Variants in MED13L observed in about 807,000 individuals in gnomAD.
MED13L encodes mediator complex subunit 13L, also known as mediator of RNA polymerase II transcription subunit 13-like.
A neutral mutation model predicts 220.9 loss-of-function variants in MED13L; 7 were observed. The ratio of observed to expected loss-of-function variants is 0.03; its 90% CI spans 0.02 to 0.06. The LOEUF (loss-of-function observed/expected upper bound fraction) is 0.06, where lower values mean the gene tolerates loss of function less well. Ranked by LOEUF, MED13L falls within the 10% of genes least tolerant of loss-of-function variation. The pLI, the probability that MED13L is intolerant of heterozygous loss-of-function variation, is 1.00. For missense variants in MED13L, 1,965 were observed against 2,760.5 expected, an observed-to-expected ratio of 0.71 and a Z score of 6.46; for synonymous variants, 1,011 against 1,015.2, an observed-to-expected ratio of 1.00 and a Z score of 0.08.
At chr12:116,276,841 C>A in intron 1 of MED13L, 1 of 1,058,498 alleles carries the variant, frequency 9.4e-7, no homozygotes, top group Non-Finnish European at 1.3e-6. Flanking sequence ...GAGCGCCGCG[C>A]TCACAAATGA....
chr12:115,977,486 C>T (rs1342098568), intron 23 of MED13L, among the ~76,000 whole-genome samples: 1 of 152,168 alleles, frequency 6.6e-6, no homozygotes, highest in Non-Finnish European at 1.5e-5. Context: ...ATTATGTCCA[C>T]ACAAAAACCT....
intron 4 of MED13L, among the ~76,000 whole-genome samples, chr12:116,076,470 G>A (rs1439727523): frequency 2.0e-5 from 3 of 152,148 alleles, no homozygotes; most frequent in African/African-American, 7.2e-5. Flanking sequence ...CCAGGAGTTG[G>A]AGGCTGCAGT....
chr12:116,268,421 T>C (rs552514415), intron 1 of MED13L, among the ~76,000 whole-genome samples: 3 of 152,228 alleles, frequency 2.0e-5, no homozygotes, highest in Admixed American at 2.0e-4. Flanking sequence ...GAATACCTTA[T>C]TAGTGCTCAT....
At chr12:116,047,982 G>GT (rs1211185989) in intron 4 of MED13L, among the ~76,000 whole-genome samples, 1 of 151,622 alleles carries the variant, frequency 6.6e-6, no homozygotes, top group African/African-American at 2.4e-5. Flanking sequence ...TTCATGTAGT[G>GT]TTGGGAAAAA....
chr12:116,111,515 GA>G lies in MED13L; in HGVS notation c.311-4del, dbSNP rs150398214. On this transcript the variant is annotated splice_region_variant and splice_polypyrimidine_tract_variant and intron_variant, in intron 2 of 30. Transcript: ENST00000281928. ...TTCCCAGAGTCCTTCTTCCACAACTGAAAAAAAAAAGAAAAAAGAAAAAAAA... is the reference window on the plus strand; with the variant it reads ...TTCCCAGAGTCCTTCTTCCACAACTGAAAAAAAAAGAAAAAAGAAAAAAAA... 1.3e-3 allele frequency: 1,746 copies of G among 1,344,886 alleles called. No individual in the cohort carries two copies. Among genetic ancestry groups the G allele is most frequent in the Admixed American group, 2.9e-3 (126 of 43,560 alleles). The allele number at this position is 1,344,886 out of a possible 1,614,324, so 83.3% of individuals were successfully genotyped here.
At chr12:116,148,945 A>G (rs1473175258) in intron 2 of MED13L, among the ~76,000 whole-genome samples, 3 of 152,218 alleles carry the variant, frequency 2.0e-5, no homozygotes, top group African/African-American at 7.2e-5. Context: ...CTCACTAAAA[A>G]TAGTCTAATG....
At chr12:116,162,325 T>A (rs1593116549) in intron 2 of MED13L, among the ~76,000 whole-genome samples, 1 of 152,232 alleles carries the variant, frequency 6.6e-6, no homozygotes, top group East Asian at 1.9e-4. Flanking sequence ...GAAGCTGTGA[T>A]TCTATTAGAA....
intron 28 of MED13L, among the ~76,000 whole-genome samples, chr12:115,966,765 G>T (rs1332896874): frequency 6.6e-6 from 1 of 152,156 alleles, no homozygotes; most frequent in African/African-American, 2.4e-5. Flanking sequence ...TCCTGGAAGA[G>T]GCTATGTTTT....
chr12:116,237,914 A>C (rs533853674), intron 1 of MED13L, among the ~76,000 whole-genome samples: 27 of 152,348 alleles, frequency 1.8e-4, no homozygotes, highest in Non-Finnish European at 3.8e-4. Flanking sequence ...ATAGCTCTTT[A>C]CATTAAATAC....
intron 3 of MED13L, among the ~76,000 whole-genome samples, chr12:116,101,603 T>C (rs1565877901): frequency 6.6e-6 from 1 of 152,222 alleles, no homozygotes; most frequent in African/African-American, 2.4e-5. Context: ...ATTAAAATCA[T>C]AGTAGATTCA....
intron 1 of MED13L, among the ~76,000 whole-genome samples, chr12:116,251,957 T>C (rs765471495): frequency 6.6e-6 from 1 of 150,956 alleles, no homozygotes; most frequent in East Asian, 1.9e-4. Context: ...GAAAAAAAAC[T>C]GTAATGATAA....
chr12:116,047,953 G>GT (rs1881936215), intron 4 of MED13L, among the ~76,000 whole-genome samples: 1 of 151,786 alleles, frequency 6.6e-6, no homozygotes, highest in Admixed American at 6.6e-5. Flanking sequence ...TACTGAATGT[G>GT]TTTTTATTCA....
Position 116,277,521 on chromosome 12 carries a change from G to A in MED13L, c.-390C>T, listed in dbSNP as rs1441178099. Among the ~76,000 whole-genome samples the A allele has an allele frequency of 8.1e-5, 12 of 149,006 alleles. No homozygotes were observed. The highest frequency in any genetic ancestry group is 3.3e-4 in the Admixed American group (5 of 15,002). ...CCGGAGCCGCCGCCGCCGCCTCGGA[G>A]CCGCCGCCGCCGCGGAGCGCGAACT... On this transcript the variant is annotated 5_prime_UTR_variant, in exon 1 of 31. Coordinates refer to ENST00000281928, the MANE Select transcript of MED13L (RefSeq NM_015335.5).
chr12:116,271,387 G>C lies in MED13L; in HGVS notation c.72+5673C>G, dbSNP rs1431507209. The stretch of plus-strand genomic sequence containing the variant: ...GGGAGGATCACGAGGTCAGGAGATC[G>C]AGACCATCCTGGCTAACATGGTGAA... On this transcript the variant is annotated intron_variant, in intron 1 of 30. Coordinates refer to ENST00000281928, the MANE Select transcript of MED13L (RefSeq NM_015335.5). Among the ~76,000 whole-genome samples, 42 of 152,080 alleles carry C rather than the reference G, an allele frequency of 2.8e-4. 1 individual carries two copies. Among genetic ancestry groups the C allele is most frequent in the South Asian group, 1.5e-3 (7 of 4,786 alleles).
rs1000687784 is a variant in MED13L at position 116,158,692 on chromosome 12, G to A, written c.311-47180C>T. On this transcript the variant is annotated intron_variant, in intron 2 of 30. Transcript: ENST00000281928. ...ATAAAATGAAATAAGGAAAAGAAGC[G>A]ATGAGGAATCAAAATTAATGCTCAT... Among the ~76,000 whole-genome samples the A allele has an allele frequency of 2.6e-5, 4 of 152,116 alleles. No homozygotes were observed. In the South Asian group the frequency reaches 8.3e-4, roughly 32 times the overall value.
intron 2 of MED13L, among the ~76,000 whole-genome samples, chr12:116,231,386 A>C (rs1170845653): frequency 6.6e-6 from 1 of 152,198 alleles, no homozygotes; most frequent in Non-Finnish European, 1.5e-5. Context: ...TATTCTTGCC[A>C]AATATGTTTA....
intron 15 of MED13L, 27 bp downstream of exon 15, chr12:115,996,983 T>C (rs764072906): frequency 5.0e-6 from 8 of 1,594,768 alleles, no homozygotes; most frequent in Non-Finnish European, 6.0e-6. Context: ...TGCTCTGCCC[T>C]GGAAATGTTA....
chr12:116,033,098 AAC>A (rs1268340743), intron 4 of MED13L, among the ~76,000 whole-genome samples: 1 of 152,152 alleles, frequency 6.6e-6, no homozygotes, highest in African/African-American at 2.4e-5. Flanking sequence ...TTTAAAAAAA[AAC>A]ACATTCAAGA....
intron 10 of MED13L, 178 bp from the exon 11 acceptor site, chr12:116,007,814 T>G (rs1156878353): frequency 6.1e-5 from 38 of 622,188 alleles, no homozygotes; most frequent in Non-Finnish European, 1.0e-4. Context: ...TTTTTGTCTC[T>G]GGGTCCATCA....
Sources: gnomAD v4.1 joint callset for allele counts (sites outside exome capture counted in the v4.1 genomes callset) on GRCh38, gnomAD v4.1.1 for gene constraint, MANE v1.5 for transcripts, NCBI Gene and HGNC (gene_info 2026-07-23, HGNC 2026-07-21) for gene names.